Variants in CDH18 observed in about 807,000 individuals in gnomAD.
CDH18 encodes the protein cadherin-18.
Under a neutral mutation model 67.9 loss-of-function variants are expected in CDH18, and 31 were observed. That is an observed-to-expected ratio of 0.46 (90% CI 0.34 to 0.62). The LOEUF is 0.62. CDH18 is among the 20% of genes least tolerant of loss of function. The probability of loss-of-function intolerance (pLI) is 0.01; values close to 1 mark genes in which losing one functional copy is unlikely to be tolerated. For missense variants in CDH18, 890 were observed against 975.5 expected, an observed-to-expected ratio of 0.91 and a Z score of 1.17; for synonymous variants, 362 against 347.2, an observed-to-expected ratio of 1.04 and a Z score of -0.48.
At chr5:19,551,281 C>T (rs547404865) in intron 8 of CDH18, among the ~76,000 whole-genome samples, 1 of 152,142 alleles carries the variant, frequency 6.6e-6, no homozygotes, top group African/African-American at 2.4e-5. Flanking sequence ...TACATTCTTT[C>T]TCTCTGTGTA....
Position 19,473,287 on chromosome 5 carries a change from C to A in CDH18, c.2312G>T (p.Gly771Val). ...DQDYHYLGDW[G>V]PEFKKLAELY... ...TTCAGCTAACTTTTTAAACTCGGGT[C>A]CCCAGTCTCCAAGGTAGTGATAATC... Residue 771 changes from glycine (G) to valine (V), a missense_variant, in exon 13 of 13, where the codon GGA (glycine) becomes GTA (valine). By Grantham distance (109) the Gly-to-Val change is moderately radical. Transcript: ENST00000382275. 2 of 1,613,722 alleles carry A rather than the reference C, an allele frequency of 1.2e-6. No homozygotes were observed. Among genetic ancestry groups the A allele is most frequent in the South Asian group, 1.1e-5 (1 of 91,080 alleles).
chr5:19,680,629 G>C (rs978013079), intron 5 of CDH18, among the ~76,000 whole-genome samples: 2 of 151,940 alleles, frequency 1.3e-5, no homozygotes, highest in Non-Finnish European at 2.9e-5. Context: ...CTTTTCGAAA[G>C]AGGACATACA....
intron 1 of CDH18, among the ~76,000 whole-genome samples, chr5:20,506,253 G>A (rs1424834219): frequency 6.6e-6 from 1 of 152,206 alleles, no homozygotes; most frequent in East Asian, 1.9e-4. Context: ...TGTTGGAACT[G>A]TGAATTGCTC....
At chr5:20,104,955 C>T (rs538449000) in intron 2 of CDH18, among the ~76,000 whole-genome samples, 20 of 152,112 alleles carry the variant, frequency 1.3e-4, no homozygotes, top group African/African-American at 2.2e-4. Context: ...ATCCAATTTC[C>T]GTATTTCTGA....
chr5:20,154,776 G>A (rs759193578), intron 2 of CDH18, among the ~76,000 whole-genome samples: 6 of 152,060 alleles, frequency 3.9e-5, no homozygotes, highest in Admixed American at 1.3e-4. Context: ...CTTCTTTCTC[G>A]CACCAAAGTC....
At chr5:19,538,787 C>T (rs980011028) in intron 9 of CDH18, among the ~76,000 whole-genome samples, 3 of 152,080 alleles carry the variant, frequency 2.0e-5, no homozygotes, top group Non-Finnish European at 4.4e-5. Context: ...TACTGCAATG[C>T]CTCACCTGCC....
chr5:20,231,207 A>C (rs1230822000), intron 2 of CDH18, among the ~76,000 whole-genome samples: 3 of 152,252 alleles, frequency 2.0e-5, no homozygotes, highest in Non-Finnish European at 4.4e-5. Flanking sequence ...AAATATATCA[A>C]AGTAAAACTT....
chr5:20,488,600 T>G (rs2126367990), intron 1 of CDH18, among the ~76,000 whole-genome samples: 1 of 151,492 alleles, frequency 6.6e-6, no homozygotes, highest in African/African-American at 2.4e-5. Flanking sequence ...TGTCATTGCT[T>G]TGTAGTGGTC....
At chr5:20,250,797 G>A (rs774582128) in intron 2 of CDH18, among the ~76,000 whole-genome samples, 6 of 151,598 alleles carry the variant, frequency 4.0e-5, no homozygotes, top group Non-Finnish European at 4.4e-5. Context: ...GTAGAGACAG[G>A]GTTTTACCAT....
At chr5:20,090,522 A>G (rs554820092) in intron 2 of CDH18, among the ~76,000 whole-genome samples, 50 of 152,164 alleles carry the variant, frequency 3.3e-4, no homozygotes, top group African/African-American at 1.1e-3. Context: ...GCGACAGAGC[A>G]AGACTCTGTC....
At chr5:19,926,871 A>G (rs905628880) in intron 2 of CDH18, among the ~76,000 whole-genome samples, 3 of 152,122 alleles carry the variant, frequency 2.0e-5, no homozygotes, top group South Asian at 2.1e-4. Flanking sequence ...ATACAAATAT[A>G]TAACTTGTAT....
At chr5:19,969,708 C>T (rs13167880) in intron 2 of CDH18, among the ~76,000 whole-genome samples, 2 of 132,678 alleles carry the variant, frequency 1.5e-5, no homozygotes, top group Admixed American at 7.6e-5. Context: ...GTGGGGGGAG[C>T]GGGGAGGGAT....
intron 2 of CDH18, among the ~76,000 whole-genome samples, chr5:19,943,655 G>C (rs1795034990): frequency 6.6e-6 from 1 of 151,862 alleles, no homozygotes; most frequent in South Asian, 2.1e-4. Context: ...CTTTTAGAGA[G>C]AATTGGGACC....
intron 2 of CDH18, among the ~76,000 whole-genome samples, chr5:20,166,189 C>A (rs1445137719): frequency 6.6e-6 from 1 of 151,662 alleles, no homozygotes; most frequent in Non-Finnish European, 1.5e-5. Context: ...ACCTGTAATC[C>A]CAGCACTTTG....
intron 1 of CDH18, among the ~76,000 whole-genome samples, chr5:20,413,870 G>C (rs1369388598): frequency 2.6e-5 from 4 of 152,198 alleles, no homozygotes; most frequent in African/African-American, 7.2e-5. Flanking sequence ...TGGTGTTTTA[G>C]TCATGAAGTC....
chr5:19,569,904 T>C (rs1421074450), intron 8 of CDH18, among the ~76,000 whole-genome samples: 1 of 151,852 alleles, frequency 6.6e-6, no homozygotes, highest in Non-Finnish European at 1.5e-5. Context: ...TTTGTATTAA[T>C]AAAAAATAAA....
Position 20,523,626 on chromosome 5 carries a change from C to T in CDH18, c.-580+51836G>A, listed in dbSNP as rs768788573. ...CGCGATCTCCAGTCACTGTAACCTC[C>T]GCCTCCCAGGTTCAAGCAATTCTCC... On this transcript the variant is annotated intron_variant, in intron 1 of 14. Transcript: ENST00000507958. Among the ~76,000 whole-genome samples, 5 of 152,086 alleles carry T rather than the reference C, an allele frequency of 3.3e-5. No individual in the cohort carries two copies. In the East Asian group the frequency reaches 7.7e-4, roughly 24 times the overall value.
chr5:20,351,920 G>T (rs1741214998), intron 1 of CDH18, among the ~76,000 whole-genome samples: 1 of 152,178 alleles, frequency 6.6e-6, no homozygotes, highest in Non-Finnish European at 1.5e-5. Context: ...TCTTAAAGAA[G>T]CTAAACTGGC....
chr5:20,176,930 C>T (rs1358036340), intron 2 of CDH18, among the ~76,000 whole-genome samples: 8 of 151,890 alleles, frequency 5.3e-5, no homozygotes, highest in South Asian at 2.1e-4. Context: ...AGAAAAATAT[C>T]GATATATATT....
Sources: gnomAD v4.1 joint callset for allele counts (sites outside exome capture counted in the v4.1 genomes callset) on GRCh38, gnomAD v4.1.1 for gene constraint, MANE v1.5 for transcripts, NCBI Gene and HGNC (gene_info 2026-07-23, HGNC 2026-07-21) for gene names.